Variants in KCNK1 observed in about 807,000 individuals in gnomAD.
KCNK1 encodes the protein potassium channel subfamily K member 1.
KCNK1 carries 10 observed loss-of-function variants against 22.2 expected under a neutral mutation model. The ratio of observed to expected loss-of-function variants is 0.45; its 90% CI spans 0.28 to 0.76. KCNK1 has a LOEUF of 0.76. Among genes scored for constraint, KCNK1 ranks in the 30% least tolerant of loss-of-function variants. The pLI, the probability that KCNK1 is intolerant of heterozygous loss-of-function variation, is 0.14. For missense variants in KCNK1, 378 were observed against 421.0 expected, an observed-to-expected ratio of 0.90 and a Z score of 0.89; for synonymous variants, 200 against 186.4, an observed-to-expected ratio of 1.07 and a Z score of -0.60.
intron 1 of KCNK1, among the ~76,000 whole-genome samples, chr1:233,639,855 G>A (rs534746949): frequency 4.6e-5 from 7 of 152,304 alleles, no homozygotes; most frequent in South Asian, 2.1e-4. Flanking sequence ...CATGAGCCAC[G>A]TCAGAACACA....
At chr1:233,656,754 G>A (rs187467105) in intron 1 of KCNK1, among the ~76,000 whole-genome samples, 67 of 152,226 alleles carry the variant, frequency 4.4e-4, no homozygotes, top group African/African-American at 1.5e-3. Flanking sequence ...GAATAGCTGG[G>A]ACTACTGGCA....
chr1:233,631,614 A>C (rs1452584142), intron 1 of KCNK1: 1 of 251,606 alleles, frequency 4.0e-6, no homozygotes, highest in Admixed American at 4.8e-5. Flanking sequence ...TGCAAGTCTA[A>C]AAATGTGGCG....
At chr1:233,631,181 T>C (rs1256819239) in intron 1 of KCNK1, 1 of 471,310 alleles carries the variant, frequency 2.1e-6, no homozygotes, top group Non-Finnish European at 4.4e-6. Context: ...ATTTTATTTA[T>C]ACCTACGTGG....
intron 1 of KCNK1, among the ~76,000 whole-genome samples, chr1:233,622,189 C>T (rs762248111): frequency 1.5e-4 from 23 of 152,210 alleles, no homozygotes; most frequent in East Asian, 7.7e-4. Flanking sequence ...TGTGAATTGC[C>T]GACACTCAAT....
At chr1:233,659,061 A>G (rs1658347549) in intron 1 of KCNK1, among the ~76,000 whole-genome samples, 2 of 152,126 alleles carry the variant, frequency 1.3e-5, no homozygotes, top group African/African-American at 4.8e-5. Flanking sequence ...TTTACTTTAT[A>G]AACTTTTTAA....
At chr1:233,617,159 A>G (rs938323398) in intron 1 of KCNK1, among the ~76,000 whole-genome samples, 2 of 152,228 alleles carry the variant, frequency 1.3e-5, no homozygotes, top group African/African-American at 4.8e-5. Context: ...AATGCTAACA[A>G]TGAGCATTAC....
chr1:233,664,015 A>G (rs1197507657), intron 1 of KCNK1, among the ~76,000 whole-genome samples: 9 of 151,996 alleles, frequency 5.9e-5, no homozygotes, highest in African/African-American at 2.2e-4. Flanking sequence ...TATTTTTAGT[A>G]GAGATGGGGT....
At chr1:233,646,841 G>T (rs1658106097) in intron 1 of KCNK1, among the ~76,000 whole-genome samples, 4 of 152,176 alleles carry the variant, frequency 2.6e-5, no homozygotes, top group Admixed American at 2.0e-4. Flanking sequence ...TTAATTCAGG[G>T]ATTTGTGAAG....
chr1:233,631,088 C>A (rs1234695604), intron 1 of KCNK1, among the ~76,000 whole-genome samples: 1 of 152,174 alleles, frequency 6.6e-6, no homozygotes, highest in African/African-American at 2.4e-5. Context: ...TAATGTCACC[C>A]TTACTTCTGT....
intron 1 of KCNK1, among the ~76,000 whole-genome samples, chr1:233,657,650 A>T (rs1395246954): frequency 1.3e-5 from 2 of 152,030 alleles, no homozygotes; most frequent in East Asian, 1.9e-4. Flanking sequence ...AGAAAAAAGA[A>T]AAAGGAAAGA....
At chr1:233,640,262 A>G (rs749894544) in intron 1 of KCNK1, among the ~76,000 whole-genome samples, 15 of 152,318 alleles carry the variant, frequency 9.8e-5, no homozygotes, top group Non-Finnish European at 1.6e-4. Flanking sequence ...TATAAGAAAT[A>G]CCAATTATGC....
chr1:233,615,249 C>G (rs1443275190), intron 1 of KCNK1, among the ~76,000 whole-genome samples: 1 of 152,224 alleles, frequency 6.6e-6, no homozygotes, highest in African/African-American at 2.4e-5. Flanking sequence ...AATTGGGGCA[C>G]CCTGATTCAG....
intron 1 of KCNK1, among the ~76,000 whole-genome samples, chr1:233,646,327 A>T (rs1171536283): frequency 1.3e-5 from 2 of 152,144 alleles, no homozygotes; most frequent in Non-Finnish European, 2.9e-5. Context: ...TGAAATCTCT[A>T]AAGTATTTAA....
rs1251301071 is a variant in KCNK1, at chr1:233,654,219, G to A, written c.356-12376G>A. Among the ~76,000 whole-genome samples, 3 of 152,086 alleles carry A rather than the reference G, an allele frequency of 2.0e-5. No individual in the cohort carries two copies. In the East Asian group the frequency reaches 5.8e-4, roughly 29 times the overall value. On this transcript the variant is annotated intron_variant, in intron 1 of 2. Coordinates refer to ENST00000366621, the MANE Select transcript of KCNK1 (RefSeq NM_002245.4). The stretch of plus-strand genomic sequence containing the variant: ...ATCGGGGTGGGGGGGAAAGGGAAGG[G>A]AGAGCATCAGGACAAATACCTAATG...
At chr1:233,641,820 A>G (rs773027677) in intron 1 of KCNK1, among the ~76,000 whole-genome samples, 8 of 152,278 alleles carry the variant, frequency 5.3e-5, no homozygotes, top group Non-Finnish European at 8.8e-5. Flanking sequence ...CTTAGATAGC[A>G]TCTTCAACAA....
intron 1 of KCNK1, among the ~76,000 whole-genome samples, chr1:233,661,261 A>G (rs1025568627): frequency 2.6e-5 from 4 of 152,174 alleles, no homozygotes; most frequent in Non-Finnish European, 4.4e-5. Context: ...AAAAAGTGCA[A>G]GGTTCTCATC....
At chr1:233,646,204 G>A (rs956273281) in intron 1 of KCNK1, among the ~76,000 whole-genome samples, 3 of 152,104 alleles carry the variant, frequency 2.0e-5, no homozygotes, top group Non-Finnish European at 4.4e-5. Flanking sequence ...AGTAAGTTAG[G>A]AGTCATTTGT....
intron 1 of KCNK1, among the ~76,000 whole-genome samples, chr1:233,645,042 A>C (rs901551721): frequency 2.0e-5 from 3 of 151,948 alleles, no homozygotes; most frequent in African/African-American, 7.3e-5. Context: ...AAAATACAAA[A>C]AATTAGCTGG....
intron 1 of KCNK1, among the ~76,000 whole-genome samples, chr1:233,628,039 TG>T (rs1558109443): frequency 1.3e-5 from 2 of 152,232 alleles, no homozygotes; most frequent in African/African-American, 4.8e-5. Context: ...CCCAGATGTC[TG>T]GGCTGTGTCT....
Sources: allele counts gnomAD v4.1 joint callset (sites outside exome capture counted in the v4.1 genomes callset), GRCh38; gene constraint gnomAD v4.1.1; transcripts MANE v1.5; gene names NCBI Gene and HGNC (gene_info 2026-07-23, HGNC 2026-07-21).